Variants in DIAPH2 observed in about 807,000 individuals in gnomAD.
DIAPH2 encodes the protein diaphanous related formin 2.
Under a neutral mutation model 92.7 loss-of-function variants are expected in DIAPH2, and 35 were observed. That is an observed-to-expected ratio of 0.38 (90% CI 0.29 to 0.50). DIAPH2 has a LOEUF of 0.50. Ranked by LOEUF, DIAPH2 falls within the 20% of genes least tolerant of loss-of-function variation. The pLI is 0.94. For synonymous variants in DIAPH2, 301 were observed against 280.4 expected (o/e 1.07, Z -0.73); for missense variants, 701 against 819.5 (o/e 0.86, Z 1.77).
rs201670201 is a variant in DIAPH2, at chrX:96,773,236, T to TC, written c.447+14978_447+14979insC. Among the ~76,000 whole-genome samples, 207 of 91,431 alleles carry TC rather than the reference T, an allele frequency of 2.3e-3. 3 individuals are homozygous for TC. The highest frequency in any genetic ancestry group is 0.011 in the East Asian group (29 of 2,524). 79.4% of individuals were successfully genotyped at this position (91,431 alleles called of 115,157 possible). ...AGCTATGTGTTACCGGCTGAATTGT[T>TC]TCCCCCCCCCTCCCGCCCTCCCCAA... On this transcript the variant is annotated intron_variant, in intron 4 of 26. Transcript: ENST00000324765.
At chrX:97,011,343 T>G (rs767562357) in intron 17 of DIAPH2, among the ~76,000 whole-genome samples, 1 of 111,780 alleles carries the variant, frequency 8.9e-6, no homozygotes, top group Non-Finnish European at 1.9e-5. Context: ...CCAAAAAAAT[T>G]TTGAGGATCT....
At chrX:97,139,701 C>T (rs961253267) in intron 21 of DIAPH2, among the ~76,000 whole-genome samples, 1 of 111,189 alleles carries the variant, frequency 9.0e-6, no homozygotes, top group African/African-American at 3.2e-5. Context: ...ATTAACTCTT[C>T]TAAATTTTGT....
chrX:97,024,373 C>T (rs1433168570), intron 17 of DIAPH2, among the ~76,000 whole-genome samples: 3 of 111,462 alleles, frequency 2.7e-5, no homozygotes, highest in Admixed American at 9.5e-5. Context: ...GAACATCCAG[C>T]GTATTCATAT....
At chrX:96,769,555 G>T (rs753711590) in intron 4 of DIAPH2, among the ~76,000 whole-genome samples, 54 of 111,882 alleles carry the variant, frequency 4.8e-4, no homozygotes, top group Middle Eastern at 4.6e-3. Context: ...GGTATTGAAG[G>T]CCAAGTATAC....
At chrX:96,789,168 C>T (rs942756123) in intron 4 of DIAPH2, among the ~76,000 whole-genome samples, 4 of 111,741 alleles carry the variant, frequency 3.6e-5, no homozygotes, top group Non-Finnish European at 5.6e-5. Flanking sequence ...GTCCCTCCCA[C>T]GAGGGGTCAC....
chrX:97,364,763 T>TTTTTTG (rs1158881944), intron 24 of DIAPH2, among the ~76,000 whole-genome samples: 23 of 104,704 alleles, frequency 2.2e-4, no homozygotes, highest in African/African-American at 7.1e-4. Flanking sequence ...CCTGGTGTTT[T>TTTTTTG]TTTTTTTTTT....
At chrX:97,157,378 A>T (rs1193755343) in intron 22 of DIAPH2, among the ~76,000 whole-genome samples, 2 of 110,229 alleles carry the variant, frequency 1.8e-5, no homozygotes, top group African/African-American at 6.6e-5. Context: ...TTTACTAAAC[A>T]GACCCAGACT....
At chrX:96,707,874 A>G (rs1335762434) in intron 1 of DIAPH2, among the ~76,000 whole-genome samples, 1 of 111,604 alleles carries the variant, frequency 9.0e-6, no homozygotes, top group East Asian at 2.8e-4. Flanking sequence ...GCTGTATTCT[A>G]AAAAGTGTTT....
At chrX:96,741,723 A>T (rs1489291171) in intron 3 of DIAPH2, among the ~76,000 whole-genome samples, 1 of 111,239 alleles carries the variant, frequency 9.0e-6, no homozygotes, top group African/African-American at 3.3e-5. Flanking sequence ...AGCTCATGTG[A>T]TCTGCCTGCC....
At chrX:96,902,295 G>T (rs768514189) in intron 5 of DIAPH2, among the ~76,000 whole-genome samples, 1 of 111,970 alleles carries the variant, frequency 8.9e-6, no homozygotes, top group Non-Finnish European at 1.9e-5. Flanking sequence ...TTTCTGTTAA[G>T]TACATTTGTT....
At chrX:96,980,323 G>A (rs925666734) in intron 17 of DIAPH2, among the ~76,000 whole-genome samples, 3 of 111,250 alleles carry the variant, frequency 2.7e-5, no homozygotes, top group Non-Finnish European at 5.7e-5. Flanking sequence ...GTCCCCTGAA[G>A]TCCAGCTGTT....
At chrX:97,057,290 C>T (rs886462044) in intron 17 of DIAPH2, among the ~76,000 whole-genome samples, 3 of 111,815 alleles carry the variant, frequency 2.7e-5, no homozygotes, top group Non-Finnish European at 5.6e-5. Context: ...TCTTTCACTT[C>T]ATAGGGTAAC....
chrX:97,261,441 G>C (rs746153782), intron 23 of DIAPH2, among the ~76,000 whole-genome samples: 11 of 112,152 alleles, frequency 9.8e-5, no homozygotes, highest in Non-Finnish European at 1.5e-4. Flanking sequence ...ATTTATGACT[G>C]ATTCTTCATT....
intron 26 of DIAPH2, among the ~76,000 whole-genome samples, chrX:97,538,681 AAAG>A (rs1420033772): frequency 1.8e-5 from 2 of 112,533 alleles, no homozygotes; most frequent in African/African-American, 6.4e-5. Context: ...GAAAAGAATT[AAAG>A]AAGTTGCTAA....
chrX:97,055,100 T>C (rs919956768), intron 17 of DIAPH2, among the ~76,000 whole-genome samples: 1 of 110,066 alleles, frequency 9.1e-6, no homozygotes, highest in African/African-American at 3.3e-5. Context: ...AGTTTAATTT[T>C]TTTTTTTTTC....
chrX:97,331,436 C>T (rs1369118811), intron 23 of DIAPH2, among the ~76,000 whole-genome samples: 1 of 111,925 alleles, frequency 8.9e-6, no homozygotes, highest in African/African-American at 3.2e-5. Flanking sequence ...TATACACATA[C>T]ATACCTACAC....
chrX:97,028,880 GA>G (rs1259267158), intron 17 of DIAPH2, among the ~76,000 whole-genome samples: 1 of 111,419 alleles, frequency 9.0e-6, no homozygotes, highest in Non-Finnish European at 1.9e-5. Context: ...ACATTCTGAG[GA>G]ACTGTCAAAC....
intron 26 of DIAPH2, among the ~76,000 whole-genome samples, chrX:97,437,576 C>T (rs1350200799): frequency 2.7e-5 from 3 of 110,777 alleles, no homozygotes; most frequent in African/African-American, 9.9e-5. Flanking sequence ...TGAAAGTGGC[C>T]TTTGATCTAT....
chrX:96,898,546 G>A (rs1156601999), intron 5 of DIAPH2, among the ~76,000 whole-genome samples: 4 of 99,497 alleles, frequency 4.0e-5, no homozygotes, highest in African/African-American at 1.4e-4. Flanking sequence ...GTCTGTTCAT[G>A]TCCTTCGCCC....
Sources: gnomAD v4.1 joint callset for allele counts (sites outside exome capture counted in the v4.1 genomes callset) on GRCh38, gnomAD v4.1.1 for gene constraint, MANE v1.5 for transcripts, NCBI Gene and HGNC (gene_info 2026-07-23, HGNC 2026-07-21) for gene names.